NTM: variants seen among roughly 807,000 people sequenced by gnomAD.
The protein encoded by NTM is neurotrimin.
Under a neutral mutation model 42.1 loss-of-function variants are expected in NTM, and 13 were observed. The ratio of observed to expected loss-of-function variants is 0.31; its 90% CI spans 0.20 to 0.49. The LOEUF is 0.49. Among genes scored for constraint, NTM ranks in the 20% least tolerant of loss-of-function variants. The probability of loss-of-function intolerance (pLI) is 0.99; values close to 1 mark genes in which losing one functional copy is unlikely to be tolerated. For missense variants in NTM, 373 were observed against 452.8 expected (o/e 0.82, Z 1.60); for synonymous variants, 187 against 179.2 (o/e 1.04, Z -0.35).
intron 1 of NTM, among the ~76,000 whole-genome samples, chr11:131,432,149 G>T (rs916526193): frequency 6.6e-6 from 1 of 152,078 alleles, no homozygotes; most frequent in Non-Finnish European, 1.5e-5. Context: ...GCAGACAGGG[G>T]GAGTACTACA....
chr11:131,914,805 A>G (rs1355079519), intron 2 of NTM, among the ~76,000 whole-genome samples: 2 of 152,230 alleles, frequency 1.3e-5, no homozygotes, highest in Non-Finnish European at 2.9e-5. Flanking sequence ...CTATTAGCCA[A>G]TGTTAATTGA....
intron 1 of NTM, among the ~76,000 whole-genome samples, chr11:131,760,709 C>T (rs1217557429): frequency 6.6e-6 from 1 of 152,140 alleles, no homozygotes; most frequent in Non-Finnish European, 1.5e-5. Context: ...CGGGAAGAAT[C>T]TCATGGGATC....
At chr11:131,945,555 A>G (rs137882812) in intron 2 of NTM, among the ~76,000 whole-genome samples, 4 of 152,356 alleles carry the variant, frequency 2.6e-5, no homozygotes, top group East Asian at 3.9e-4. Flanking sequence ...AAAGTGAAAT[A>G]TCCAAACTAA....
intron 1 of NTM, among the ~76,000 whole-genome samples, chr11:131,588,082 T>C (rs893329824): frequency 2.8e-4 from 43 of 151,910 alleles, no homozygotes; most frequent in African/African-American, 1.0e-3. Flanking sequence ...TATGAGGTGG[T>C]TACTAAAAGC....
At chr11:131,824,997 C>T (rs2041962594) in intron 1 of NTM, among the ~76,000 whole-genome samples, 1 of 152,178 alleles carries the variant, frequency 6.6e-6, no homozygotes, top group Admixed American at 6.5e-5. Context: ...TGGACTACAA[C>T]AACAGAAATT....
At chr11:131,841,709 C>G (rs942165280) in intron 1 of NTM, among the ~76,000 whole-genome samples, 6 of 152,070 alleles carry the variant, frequency 3.9e-5, no homozygotes, top group African/African-American at 9.7e-5. Context: ...AGGGGTCAGT[C>G]CTGAAGGTAG....
chr11:132,104,937 G>GTGTGTA (rs1169190929), intron 2 of NTM, among the ~76,000 whole-genome samples: 106 of 61,778 alleles, frequency 1.7e-3, no homozygotes, highest in African/African-American at 3.1e-3. Flanking sequence ...ATATACATAT[G>GTGTGTA]TATATATATA....
At chr11:132,062,238 G>A (rs1217694152) in intron 2 of NTM, among the ~76,000 whole-genome samples, 1 of 152,178 alleles carries the variant, frequency 6.6e-6, no homozygotes, top group Non-Finnish European at 1.5e-5. Flanking sequence ...AAGAGGAGTG[G>A]TGTGACATAG....
At chr11:132,188,684 C>A (rs1029992149) in intron 3 of NTM, among the ~76,000 whole-genome samples, 1 of 152,104 alleles carries the variant, frequency 6.6e-6, no homozygotes, top group Admixed American at 6.6e-5. Flanking sequence ...CAAACAGTTC[C>A]CCATGAGGGT....
chr11:131,791,995 T>C (rs1189447022), intron 1 of NTM, among the ~76,000 whole-genome samples: 1 of 152,214 alleles, frequency 6.6e-6, no homozygotes, highest in African/African-American at 2.4e-5. Context: ...CTGTAGGCTA[T>C]AACTGATACG....
intron 1 of NTM, among the ~76,000 whole-genome samples, chr11:131,894,263 T>C (rs1248361068): frequency 1.3e-5 from 2 of 152,202 alleles, no homozygotes; most frequent in Non-Finnish European, 2.9e-5. Flanking sequence ...CCTCTCCATG[T>C]GTTCAGGCTT....
chr11:131,779,853 A>G (rs941324300), intron 1 of NTM, among the ~76,000 whole-genome samples: 6 of 152,210 alleles, frequency 3.9e-5, no homozygotes, highest in Non-Finnish European at 8.8e-5. Context: ...AAAGGATGGG[A>G]GTGCAGGCTA....
chr11:131,723,059 G>A (rs2078556704), intron 1 of NTM, among the ~76,000 whole-genome samples: 1 of 152,222 alleles, frequency 6.6e-6, no homozygotes, highest in Admixed American at 6.5e-5. Flanking sequence ...GGGCCACATA[G>A]CCAGTTGATG....
At chr11:131,959,412 G>C (rs967770546) in intron 2 of NTM, among the ~76,000 whole-genome samples, 2 of 152,142 alleles carry the variant, frequency 1.3e-5, no homozygotes, top group Non-Finnish European at 2.9e-5. Flanking sequence ...AGGATCACTT[G>C]AGCCTAGGGG....
intron 2 of NTM, among the ~76,000 whole-genome samples, chr11:131,978,465 T>G (rs1404137643): frequency 6.6e-6 from 1 of 151,974 alleles, no homozygotes; most frequent in African/African-American, 2.4e-5. Context: ...GCAAACAAAG[T>G]CAGAAGAAAA....
Position 131,652,717 on chromosome 11 carries a change from C to T in NTM, c.83-258847C>T, listed in dbSNP as rs545459358. Reference sequence around the variant, plus strand: ...ATGCCCTCCCCTGCCTGTTGGGCAGCGGGACTTAGACCTGCTTTCTCAATG... The same window carrying T: ...ATGCCCTCCCCTGCCTGTTGGGCAGTGGGACTTAGACCTGCTTTCTCAATG... On this transcript the variant is annotated intron_variant, in intron 1 of 8. Transcript: ENST00000683400. 1.5e-4 allele frequency among the ~76,000 whole-genome samples: 23 copies of T among 152,270 alleles called. 1 individual carries two copies. The highest frequency in any genetic ancestry group is 1.0e-3 in the South Asian group (5 of 4,826).
intron 5 of NTM, 59 bp from the exon 6 acceptor site, chr11:132,310,053 T>C: frequency 7.1e-7 from 1 of 1,409,272 alleles, no homozygotes; most frequent in Non-Finnish European, 9.3e-7. Context: ...CAAGACTCCA[T>C]CTCAAAAAAA....
intron 1 of NTM, among the ~76,000 whole-genome samples, chr11:131,739,460 T>G (rs561488379): frequency 1.3e-5 from 2 of 152,296 alleles, no homozygotes; most frequent in African/African-American, 4.8e-5. Flanking sequence ...TCAGTGCAAT[T>G]CCAGCATAGT....
intron 1 of NTM, among the ~76,000 whole-genome samples, chr11:131,850,309 G>A (rs576563620): frequency 1.4e-3 from 210 of 152,242 alleles, no homozygotes; most frequent in Middle Eastern, 3.4e-3. Context: ...GCTATTAGAA[G>A]ACATTAGCCC....
Sources: gnomAD v4.1 joint callset for allele counts (sites outside exome capture counted in the v4.1 genomes callset) on GRCh38, gnomAD v4.1.1 for gene constraint, MANE v1.5 for transcripts, NCBI Gene and HGNC (gene_info 2026-07-23, HGNC 2026-07-21) for gene names.